IGSF10: variants seen among roughly 807,000 people sequenced by gnomAD.
IGSF10 encodes the protein immunoglobulin superfamily member 10, also known as calvaria mechanical force protein 608.
In IGSF10, 126 loss-of-function variants were observed where a neutral mutation model predicts 128.2. The observed-to-expected ratio is 0.98, with a 90% confidence interval of 0.85 to 1.14. The LOEUF (loss-of-function observed/expected upper bound fraction) is 1.14. IGSF10 is among the 50% of genes most tolerant of loss of function. The pLI, the probability that IGSF10 is intolerant of heterozygous loss-of-function variation, is 0.00. For missense variants in IGSF10, 3,295 were observed against 3,149.8 expected (o/e 1.05, Z -1.10); for synonymous variants, 1,185 against 1,146.2 (o/e 1.03, Z -0.68).
chr3:151,456,975 A>G (rs1012849162), intron 4 of IGSF10, 51 bp downstream of exon 4: 2 of 1,600,524 alleles, frequency 1.2e-6, no homozygotes, highest in Non-Finnish European at 1.7e-6. Flanking sequence ...GGTCTATCTC[A>G]CAGGTCCCAC....
At chr3:151,493,396 G>A in the IGSF10 span, among the ~76,000 whole-genome samples, 2 of 152,086 alleles carry the variant, frequency 1.3e-5, no homozygotes, top group African/African-American at 4.8e-5. Flanking sequence ...GTCAACGATG[G>A]ACCCCCATAT....
chr3:151,574,985 C>T, the IGSF10 span, among the ~76,000 whole-genome samples: 1 of 152,196 alleles, frequency 6.6e-6, no homozygotes, highest in Admixed American at 6.5e-5. Flanking sequence ...CCCTCAGCTG[C>T]AGGTCTGTTG....
chr3:151,615,682 T>A, the IGSF10 span, among the ~76,000 whole-genome samples: 1 of 152,064 alleles, frequency 6.6e-6, no homozygotes, highest in South Asian at 2.1e-4. Context: ...AAGGAAACTA[T>A]AAAAAGCAAG....
the IGSF10 span, among the ~76,000 whole-genome samples, chr3:151,514,023 T>C: frequency 2.0e-5 from 3 of 152,082 alleles, no homozygotes; most frequent in Non-Finnish European, 2.9e-5. Flanking sequence ...GAAGAATCAA[T>C]ATCGTGAAAA....
At position 151,437,705 on chromosome 3, in the gene IGSF10, A is replaced by G. The variant is rs1720476929; in HGVS notation, c.6856T>C (p.Tyr2286His). Residue 2286 changes from tyrosine (Y) to histidine (H), a missense_variant, in exon 8 of 8, where the codon TAT becomes CAT. Physicochemically the swap from Tyr to His is moderately conservative, Grantham distance 83. Transcript: ENST00000282466. ...TTATGGACTGTGATTCTGCTTCCAT[A>G]GTATGGGGCTGTGAGGAAAATATTG... Reference protein sequence around the residue: ...PDNIFLTAPYYGSRITVHKNG... With the variant: ...PDNIFLTAPYHGSRITVHKNG... 2 of 1,614,000 alleles carry G rather than the reference A, an allele frequency of 1.2e-6. No homozygotes were observed. Among genetic ancestry groups the G allele is most frequent in the Admixed American group, 3.3e-5 (2 of 59,998 alleles).
In IGSF10 at chr3:151,437,250, A is replaced by G. The variant is rs182380302; in HGVS notation, c.7311T>C (p.Tyr2437=). Residue 2437 remains tyrosine, a synonymous_variant, in exon 8 of 8, where the codon TAT becomes TAC. Coordinates refer to ENST00000282466, the MANE Select transcript of IGSF10 (RefSeq NM_178822.5). ...TGATGCCTTTTACTGTCCCTGGTGC[A>G]TAGGTAAGAATAACTGGCTTCTGGC... ...EIGQKPVILT[Y]APGTVKGISG... is the part of the protein sequence containing the mutation. The G allele has an allele frequency of 3.0e-4, 478 of 1,614,222 alleles. 3 individuals are homozygous for G. In the East Asian group the frequency reaches 9.9e-3, roughly 33 times the overall value.
At chr3:151,488,215 T>C in the IGSF10 span, among the ~76,000 whole-genome samples, 3 of 152,120 alleles carry the variant, frequency 2.0e-5, no homozygotes, top group African/African-American at 7.2e-5. Flanking sequence ...TGAACTCCCA[T>C]TCACAATTGC....
At chr3:151,457,465 A>T (rs1721849794) in intron 3 of IGSF10, among the ~76,000 whole-genome samples, 1 of 151,958 alleles carries the variant, frequency 6.6e-6, no homozygotes, top group South Asian at 2.1e-4. Flanking sequence ...ACCTTTTTCT[A>T]TTTGTGAACA....
the IGSF10 span, among the ~76,000 whole-genome samples, chr3:151,498,152 G>T: frequency 1.3e-5 from 2 of 152,082 alleles, no homozygotes; most frequent in Non-Finnish European, 2.9e-5. Context: ...TTTCCTAATT[G>T]AATACCCTTT....
At chr3:151,509,922 T>G in the IGSF10 span, among the ~76,000 whole-genome samples, 1 of 152,110 alleles carries the variant, frequency 6.6e-6, no homozygotes, top group African/African-American at 2.4e-5. Flanking sequence ...GCAGGGAGGC[T>G]GGGGGAGGGG....
the IGSF10 span, among the ~76,000 whole-genome samples, chr3:151,569,508 T>C: frequency 6.6e-6 from 1 of 152,038 alleles, no homozygotes; most frequent in Non-Finnish European, 1.5e-5. Context: ...GGGGCAAAAG[T>C]GATGCTAAGT....
the IGSF10 span, among the ~76,000 whole-genome samples, chr3:151,501,554 T>C: frequency 6.6e-6 from 1 of 152,056 alleles, no homozygotes; most frequent in Non-Finnish European, 1.5e-5. Context: ...TTAGAGTATT[T>C]CTCAAACTTG....
the IGSF10 span, among the ~76,000 whole-genome samples, chr3:151,508,258 TAG>T: frequency 6.6e-6 from 1 of 152,028 alleles, no homozygotes; most frequent in East Asian, 1.9e-4. Context: ...AAGATAAAAA[TAG>T]AAAGTTATGG....
the IGSF10 span, among the ~76,000 whole-genome samples, chr3:151,496,005 C>G: frequency 1.3e-5 from 2 of 152,050 alleles, no homozygotes; most frequent in Admixed American, 1.3e-4. Context: ...GATTAAGGTT[C>G]AGTCTGATAC....
the IGSF10 span, among the ~76,000 whole-genome samples, chr3:151,575,719 T>C: frequency 2.0e-5 from 3 of 152,174 alleles, no homozygotes; most frequent in Non-Finnish European, 2.9e-5. Context: ...GCTCACCCTC[T>C]GTGGGCTACA....
chr3:151,492,906 G>A, the IGSF10 span, among the ~76,000 whole-genome samples: 2 of 150,360 alleles, frequency 1.3e-5, no homozygotes, highest in African/African-American at 2.4e-5. Flanking sequence ...TAAAGGAAAT[G>A]TGAGATATAT....
chr3:151,437,391 T>TATCA lies in IGSF10; in HGVS notation c.7166_7169dup (p.Ala2391AspfsTer11). On this transcript the variant is annotated frameshift_variant, in exon 8 of 8. Transcript: ENST00000282466. LOFTEE classifies it low-confidence loss of function (END_TRUNC). ...AAATGATAAAAGAACCATTGCTTGCTATCAGATACTGATAACTTTGTGGTC... is the reference window on the plus strand; with the variant it reads ...AAATGATAAAAGAACCATTGCTTGCTATCAATCAGATACTGATAACTTTGTGGTC... 1 of 1,614,208 alleles carries TATCA rather than the reference T, an allele frequency of 6.2e-7. No individual in the cohort carries two copies. The highest frequency in any genetic ancestry group is 8.5e-7 in the Non-Finnish European group (1 of 1,180,022).
At chr3:151,529,328 G>A in the IGSF10 span, among the ~76,000 whole-genome samples, 1 of 152,208 alleles carries the variant, frequency 6.6e-6, no homozygotes, top group African/African-American at 2.4e-5. Flanking sequence ...GAGAGCAGCG[G>A]ATCTCCCAGC....
At chr3:151,458,494 G>A in intron 3 of IGSF10, 22 bp downstream of exon 3, 1 of 1,578,894 alleles carries the variant, frequency 6.3e-7, no homozygotes, top group Non-Finnish European at 8.6e-7. Flanking sequence ...TTTGAGAAGA[G>A]GAAACATGAG....
Sources: gnomAD v4.1 joint callset for allele counts (sites outside exome capture counted in the v4.1 genomes callset) on GRCh38, gnomAD v4.1.1 for gene constraint, MANE v1.5 for transcripts, NCBI Gene and HGNC (gene_info 2026-07-23, HGNC 2026-07-21) for gene names.